RNF216: variants seen among roughly 807,000 people sequenced by gnomAD.
RNF216 encodes the protein ring finger protein 216.
Under a neutral mutation model 110.8 loss-of-function variants are expected in RNF216, and 72 were observed. The observed-to-expected ratio is 0.65, with a 90% CI of 0.54 to 0.79. RNF216 has a LOEUF of 0.79. RNF216 is among the 30% of genes least tolerant of loss of function. The pLI, the probability that RNF216 is intolerant of heterozygous loss-of-function variation, is 0.00. For synonymous variants in RNF216, 495 were observed against 407.5 expected, an observed-to-expected ratio of 1.21 and a Z score of -2.59; for missense variants, 1,342 against 1,141.2, an observed-to-expected ratio of 1.18 and a Z score of -2.54.
intron 5 of RNF216, among the ~76,000 whole-genome samples, chr7:5,733,370 AG>A (rs1328978039): frequency 6.6e-6 from 1 of 152,222 alleles, no homozygotes; most frequent in Non-Finnish European, 1.5e-5. Flanking sequence ...TGTGAGACTC[AG>A]GAAGTAGGAG....
At chr7:5,722,482 C>A (rs1186978142) in intron 8 of RNF216, among the ~76,000 whole-genome samples, 2 of 151,550 alleles carry the variant, frequency 1.3e-5, no homozygotes, top group Non-Finnish European at 2.9e-5. Flanking sequence ...CTCCGCCCCC[C>A]GGGGTTCACG....
At chr7:5,686,854 T>C (rs780268037) in intron 13 of RNF216, among the ~76,000 whole-genome samples, 3 of 152,180 alleles carry the variant, frequency 2.0e-5, no homozygotes, top group Non-Finnish European at 4.4e-5. Context: ...TCAGATCCCT[T>C]GCATGAGCAG....
At chr7:5,761,850 C>A (rs1189116108) in intron 1 of RNF216, among the ~76,000 whole-genome samples, 1 of 151,326 alleles carries the variant, frequency 6.6e-6, no homozygotes, top group East Asian at 1.9e-4. Context: ...GTATGTAAGA[C>A]ATGGGAAATC....
intron 14 of RNF216, among the ~76,000 whole-genome samples, chr7:5,651,314 C>T (rs979892598): frequency 4.6e-5 from 7 of 151,832 alleles, no homozygotes; most frequent in African/African-American, 1.7e-4. Flanking sequence ...GCAACCTCTG[C>T]CTCCCTGGTT....
At chr7:5,687,288 TG>T (rs973758784) in intron 13 of RNF216, among the ~76,000 whole-genome samples, 2 of 145,298 alleles carry the variant, frequency 1.4e-5, no homozygotes, top group Non-Finnish European at 3.0e-5. Context: ...CTCAGCTACT[TG>T]GGAGGCTGAG....
At position 5,729,394 on chromosome 7, in the gene RNF216, A is replaced by C. The variant is rs1554259419; in HGVS notation, c.1389+38T>G. On this transcript the variant is annotated intron_variant, in intron 7 of 16. Transcript: ENST00000389902. ...TCTGTTACCATGGGAAGATGTAGTCAAGAGGTGTGACCCCAACAGGAAGAC... is the reference window on the plus strand; with the variant it reads ...TCTGTTACCATGGGAAGATGTAGTCCAGAGGTGTGACCCCAACAGGAAGAC... The C allele has an allele frequency of 2.5e-6, 4 of 1,602,214 alleles. No individual in the cohort carries two copies. The South Asian group carries it at 4.4e-5, about 18-fold the overall frequency.
chr7:5,716,761 T>C lies in RNF216; in HGVS notation c.1650A>G (p.Glu550=). Residue 550 remains glutamate, a synonymous_variant, in exon 10 of 17, where the codon GAA becomes GAG. Transcript: ENST00000389902. ...TCATCTGTAGGGCAAGCAAAAAGTC[T>C]TCATGCTGAAGAACAAAAAAGGCAC... The part of the protein sequence containing the change: ...EQKIKEMAEH[E]DFLLALQMNE... The C allele has an allele frequency of 1.2e-6, 2 of 1,606,374 alleles. No homozygotes were observed. The highest frequency in any genetic ancestry group is 1.7e-6 in the Non-Finnish European group (2 of 1,175,950).
At chr7:5,769,061 T>C (rs1350054505) in intron 1 of RNF216, among the ~76,000 whole-genome samples, 1 of 150,954 alleles carries the variant, frequency 6.6e-6, no homozygotes, top group Non-Finnish European at 1.5e-5. Flanking sequence ...ACAAAATATA[T>C]CAAAATTTAT....
rs752075507 is a variant in RNF216 at position 5,715,117 on chromosome 7, G to C, written c.1769C>G (p.Ala590Gly). Residue 590 changes from alanine (A) to glycine (G), a missense_variant, in exon 11 of 17, where the codon GCT becomes GGT. Ala to Gly is a moderately conservative substitution (Grantham distance 60). Transcript: ENST00000389902. The stretch of plus-strand genomic sequence containing the variant: ...GAGACACTCTTTGCAGAACAAGTGA[G>C]CATCTGCGCACTGCGTCAGCTCCTC... ...PFEELTQCAD[A>G]HLFCKECLIR... The C allele has an allele frequency of 1.2e-6, 2 of 1,613,794 alleles. No individual in the cohort carries two copies. Among genetic ancestry groups the C allele is most frequent in the Non-Finnish European group, 1.7e-6 (2 of 1,179,972 alleles).
At chr7:5,759,434 A>C (rs1302936409) in intron 2 of RNF216, among the ~76,000 whole-genome samples, 1 of 152,142 alleles carries the variant, frequency 6.6e-6, no homozygotes, top group Non-Finnish European at 1.5e-5. Flanking sequence ...CTTCCACTTA[A>C]GGAACAGTAA....
At chr7:5,764,386 A>G (rs1448975651) in intron 1 of RNF216, among the ~76,000 whole-genome samples, 1 of 150,672 alleles carries the variant, frequency 6.6e-6, no homozygotes, top group African/African-American at 2.4e-5. Context: ...GGTGGCTCAC[A>G]CCTGTAATCC....
chr7:5,682,091 T>C (rs2128606059), intron 13 of RNF216, among the ~76,000 whole-genome samples: 1 of 152,330 alleles, frequency 6.6e-6, no homozygotes, highest in Middle Eastern at 3.4e-3. Flanking sequence ...ACCTGTCCAC[T>C]CAGCAGACAC....
intron 13 of RNF216, among the ~76,000 whole-genome samples, chr7:5,707,104 C>A (rs766713741): frequency 2.6e-5 from 4 of 152,184 alleles, no homozygotes; most frequent in Non-Finnish European, 5.9e-5. Context: ...GGATTTATTT[C>A]TGAGCACTGT....
chr7:5,738,663 G>T (rs1039639439), intron 5 of RNF216, among the ~76,000 whole-genome samples: 2 of 128,962 alleles, frequency 1.6e-5, no homozygotes, highest in Non-Finnish European at 3.1e-5. Flanking sequence ...AGCCGAGATC[G>T]CACCACTGGA....
At chr7:5,664,434 G>A (rs943249986) in intron 13 of RNF216, among the ~76,000 whole-genome samples, 1 of 152,200 alleles carries the variant, frequency 6.6e-6, no homozygotes, top group Non-Finnish European at 1.5e-5. Context: ...AATGCTTGCA[G>A]ATGGTGTGAG....
chr7:5,690,426 A>C (rs1318060814), intron 13 of RNF216, among the ~76,000 whole-genome samples: 1 of 152,074 alleles, frequency 6.6e-6, no homozygotes, highest in Non-Finnish European at 1.5e-5. Context: ...TTGGTGACTG[A>C]CTGCTTTGTT....
At chr7:5,658,117 C>T (rs1788862014) in intron 13 of RNF216, among the ~76,000 whole-genome samples, 3 of 152,158 alleles carry the variant, frequency 2.0e-5, no homozygotes, top group African/African-American at 4.8e-5. Flanking sequence ...GGATTCTTTG[C>T]GGAGCTGACA....
At chr7:5,647,244 G>T (rs1052629909) in intron 14 of RNF216, among the ~76,000 whole-genome samples, 2 of 150,764 alleles carry the variant, frequency 1.3e-5, no homozygotes, top group Admixed American at 1.3e-4. Context: ...TCCCTTGAGT[G>T]TATTTTTTGA....
At chr7:5,780,713 G>A (rs10247051) in intron 1 of RNF216, among the ~76,000 whole-genome samples, 3 of 150,880 alleles carry the variant, frequency 2.0e-5, no homozygotes, top group Non-Finnish European at 1.5e-5. Flanking sequence ...TCAAAGAAAA[G>A]GAGAAAAAAA....
Sources: allele counts gnomAD v4.1 joint callset (sites outside exome capture counted in the v4.1 genomes callset), GRCh38; gene constraint gnomAD v4.1.1; transcripts MANE v1.5; gene names NCBI Gene and HGNC (gene_info 2026-07-23, HGNC 2026-07-21).